The following CDH18 variants were observed in gnomAD, a reference collection of about 807,000 sequenced individuals.
CDH18 encodes the protein cadherin-18.
CDH18 carries 31 observed loss-of-function variants against 67.9 expected under a neutral mutation model. The observed-to-expected ratio is 0.46, with a 90% CI of 0.34 to 0.62. The LOEUF is 0.62. CDH18 is among the 20% of genes least tolerant of loss of function. The pLI is 0.01. For missense variants in CDH18, 890 were observed against 975.5 expected, an observed-to-expected ratio of 0.91 and a Z score of 1.17; for synonymous variants, 362 against 347.2, an observed-to-expected ratio of 1.04 and a Z score of -0.48.
intron 1 of CDH18, among the ~76,000 whole-genome samples, chr5:20,341,662 T>G (rs1032382115): frequency 3.3e-5 from 5 of 152,062 alleles, no homozygotes; most frequent in Non-Finnish European, 7.4e-5. Flanking sequence ...GGAGTGGTTC[T>G]GGATAACAGA....
chr5:20,225,358 A>G (rs1741536312), intron 2 of CDH18, among the ~76,000 whole-genome samples: 1 of 152,128 alleles, frequency 6.6e-6, no homozygotes. Context: ...TAGACTTTTG[A>G]TGAATATTTG....
chr5:19,899,488 CTG>C lies in CDH18; in HGVS notation c.-256-60248_-256-60247del, dbSNP rs1446775404. Among the ~76,000 whole-genome samples the C allele has an allele frequency of 4.6e-5, 7 of 151,920 alleles. No homozygotes were observed. The East Asian group carries it at 5.8e-4, about 13-fold the overall frequency. On this transcript the variant is annotated intron_variant, in intron 2 of 12. Coordinates refer to ENST00000382275, the MANE Select transcript of CDH18 (RefSeq NM_004934.5). ...GGCAAATATGTCAATAAGTTGGACTCTGTGTAAACTGCTGGTGGGAATTTCAA... is the reference window on the plus strand; with the variant it reads ...GGCAAATATGTCAATAAGTTGGACTCTGTAAACTGCTGGTGGGAATTTCAA...
chr5:19,864,552 C>G (rs1269107262), intron 2 of CDH18, among the ~76,000 whole-genome samples: 1 of 137,764 alleles, frequency 7.3e-6, no homozygotes, highest in Non-Finnish European at 1.6e-5. Context: ...AACAACAACA[C>G]AAACTCAAAG....
intron 1 of CDH18, among the ~76,000 whole-genome samples, chr5:20,405,138 A>C (rs960739719): frequency 1.3e-5 from 2 of 152,174 alleles, no homozygotes; most frequent in Admixed American, 1.3e-4. Flanking sequence ...AGTCAATCCT[A>C]AGCCAAAAGA....
intron 2 of CDH18, among the ~76,000 whole-genome samples, chr5:19,902,073 A>G (rs1356968627): frequency 6.6e-6 from 1 of 152,180 alleles, no homozygotes; most frequent in African/African-American, 2.4e-5. Flanking sequence ...TTCTTATAAA[A>G]ATGTGAGAGC....
At chr5:19,487,832 G>T (rs1378308980) in intron 11 of CDH18, among the ~76,000 whole-genome samples, 1 of 152,048 alleles carries the variant, frequency 6.6e-6, no homozygotes, top group Non-Finnish European at 1.5e-5. Flanking sequence ...TGAAATAATT[G>T]AAATTTCATT....
At chr5:19,726,152 T>C (rs1766814797) in intron 4 of CDH18, among the ~76,000 whole-genome samples, 1 of 151,690 alleles carries the variant, frequency 6.6e-6, no homozygotes, top group Non-Finnish European at 1.5e-5. Flanking sequence ...AGAGTTGAGA[T>C]ACACGAAGGC....
intron 2 of CDH18, among the ~76,000 whole-genome samples, chr5:19,898,955 G>T (rs1789638557): frequency 6.6e-6 from 1 of 152,058 alleles, no homozygotes; most frequent in Non-Finnish European, 1.5e-5. Flanking sequence ...TACAACTCAA[G>T]AGCAAATAAC....
chr5:20,171,842 T>C (rs1736741116), intron 2 of CDH18, among the ~76,000 whole-genome samples: 1 of 151,832 alleles, frequency 6.6e-6, no homozygotes, highest in Admixed American at 6.6e-5. Flanking sequence ...GGGTTTTCAG[T>C]TTTAGGTCTT....
intron 3 of CDH18, among the ~76,000 whole-genome samples, chr5:19,825,484 G>A (rs1270591382): frequency 6.6e-6 from 1 of 152,058 alleles, no homozygotes; most frequent in African/African-American, 2.4e-5. Context: ...CCCCTGGGAA[G>A]CACTGGACAG....
chr5:19,671,741 G>A (rs1430723355), intron 5 of CDH18, among the ~76,000 whole-genome samples: 1 of 152,126 alleles, frequency 6.6e-6, no homozygotes, highest in Non-Finnish European at 1.5e-5. Flanking sequence ...AGGAAAGAGA[G>A]TAAAGGCAGA....
At chr5:19,707,443 CT>C (rs1337935630) in intron 5 of CDH18, among the ~76,000 whole-genome samples, 1 of 152,166 alleles carries the variant, frequency 6.6e-6, no homozygotes, top group African/African-American at 2.4e-5. Flanking sequence ...TTTTCCACCA[CT>C]TCTACGGCCT....
chr5:19,556,183 A>G (rs1021039056), intron 8 of CDH18, among the ~76,000 whole-genome samples: 1 of 152,190 alleles, frequency 6.6e-6, no homozygotes, highest in African/African-American at 2.4e-5. Context: ...GAGACCAGAA[A>G]AATAATTCTG....
intron 2 of CDH18, among the ~76,000 whole-genome samples, chr5:20,021,161 T>C (rs1252526073): frequency 6.6e-6 from 1 of 152,118 alleles, no homozygotes; most frequent in Non-Finnish European, 1.5e-5. Context: ...TCTCTCCCTT[T>C]TGGAACAGTT....
intron 1 of CDH18, among the ~76,000 whole-genome samples, chr5:20,354,782 G>A (rs1043011432): frequency 3.9e-5 from 6 of 152,146 alleles, no homozygotes; most frequent in African/African-American, 1.4e-4. Flanking sequence ...ATTTAGTGGT[G>A]TCATACTGTT....
Position 19,576,804 on chromosome 5 carries a change from A to G in CDH18, c.1000-4972T>C, listed in dbSNP as rs547125923. Among the ~76,000 whole-genome samples the G allele has an allele frequency of 3.9e-5, 6 of 152,322 alleles. No homozygotes were observed. In the East Asian group the frequency reaches 9.6e-4, roughly 24 times the overall value. ...GCTGCACCCTTATATTAATTGCAGC[A>G]TTACTCACATTAGACAAGATATGGA... On this transcript the variant is annotated intron_variant, in intron 7 of 12. Coordinates refer to ENST00000382275, the MANE Select transcript of CDH18 (RefSeq NM_004934.5).
intron 2 of CDH18, among the ~76,000 whole-genome samples, chr5:20,198,277 T>C (rs990551991): frequency 5.3e-5 from 8 of 152,090 alleles, no homozygotes; most frequent in African/African-American, 1.7e-4. Context: ...TGTGGGAAAG[T>C]TTGGAACTTC....
chr5:19,557,373 G>A (rs1738626734), intron 8 of CDH18, among the ~76,000 whole-genome samples: 1 of 151,946 alleles, frequency 6.6e-6, no homozygotes, highest in Admixed American at 6.6e-5. Flanking sequence ...CACCAACCAA[G>A]TATCTGCTGT....
intron 1 of CDH18, among the ~76,000 whole-genome samples, chr5:20,468,763 T>G (rs1481300655): frequency 6.6e-6 from 1 of 152,224 alleles, no homozygotes; most frequent in Non-Finnish European, 1.5e-5. Context: ...AAATTTACTA[T>G]GCCATTATAT....
Sources: gnomAD v4.1 joint callset for allele counts (sites outside exome capture counted in the v4.1 genomes callset) on GRCh38, gnomAD v4.1.1 for gene constraint, MANE v1.5 for transcripts, NCBI Gene and HGNC (gene_info 2026-07-23, HGNC 2026-07-21) for gene names.